The following CSGALNACT1 variants were observed in gnomAD, a reference collection of about 807,000 sequenced individuals.
The protein encoded by CSGALNACT1 is chondroitin sulfate N-acetylgalactosaminyltransferase 1, also known as beta4GalNAcT-1.
A neutral mutation model predicts 51.0 loss-of-function variants in CSGALNACT1; 52 were observed. That is an observed-to-expected ratio of 1.02 (90% CI 0.82 to 1.29). CSGALNACT1 has a LOEUF of 1.29. Ranked by LOEUF, CSGALNACT1 falls within the 50% of genes most tolerant of loss-of-function variation. CSGALNACT1 has a pLI of 0.00. For missense variants in CSGALNACT1, 935 were observed against 679.2 expected, an observed-to-expected ratio of 1.38 and a Z score of -4.19; for synonymous variants, 341 against 254.4, an observed-to-expected ratio of 1.34 and a Z score of -3.24.
At chr8:19,453,772 C>T (rs944993221) in intron 5 of CSGALNACT1, among the ~76,000 whole-genome samples, 2 of 152,040 alleles carry the variant, frequency 1.3e-5, no homozygotes, top group South Asian at 2.1e-4. Flanking sequence ...AGCAGCTGGG[C>T]GTCGTGTCAT....
chr8:19,718,515 G>C (rs1296530588), intron 1 of CSGALNACT1, among the ~76,000 whole-genome samples: 1 of 152,166 alleles, frequency 6.6e-6, no homozygotes, highest in Non-Finnish European at 1.5e-5. Flanking sequence ...AAGTGAATCT[G>C]TGTTTTTAAA....
chr8:19,477,899 C>T (rs370697118), intron 4 of CSGALNACT1, among the ~76,000 whole-genome samples: 20 of 152,202 alleles, frequency 1.3e-4, no homozygotes, highest in African/African-American at 4.3e-4. Flanking sequence ...CTCCCATACA[C>T]GTCCAAACTA....
chr8:19,709,122 G>A (rs993646633), intron 1 of CSGALNACT1, among the ~76,000 whole-genome samples: 1 of 152,174 alleles, frequency 6.6e-6, no homozygotes, highest in African/African-American at 2.4e-5. Flanking sequence ...AACAGGAACA[G>A]GGCTGGATTC....
upstream of CSGALNACT1, among the ~76,000 whole-genome samples, chr8:19,686,362 G>T (rs983385584): frequency 6.6e-6 from 1 of 152,166 alleles, no homozygotes; most frequent in African/African-American, 2.4e-5. Flanking sequence ...ATAGGAGACA[G>T]CATTCAGGGG....
chr8:19,726,174 T>C (rs1015162580), intron 1 of CSGALNACT1, among the ~76,000 whole-genome samples: 1 of 152,194 alleles, frequency 6.6e-6, no homozygotes, highest in Non-Finnish European at 1.5e-5. Flanking sequence ...CTCCATGTAT[T>C]TGGATAAAAA....
exon 4 of CSGALNACT1, chr8:19,505,427 G>C (rs1481309315): frequency 1.2e-6 from 2 of 1,614,190 alleles, no homozygotes. Flanking sequence ...CCAGCTTGAC[G>C]CCAGCATTCA....
intron 1 of CSGALNACT1, among the ~76,000 whole-genome samples, chr8:19,715,575 G>T (rs1010323577): frequency 3.9e-5 from 6 of 152,110 alleles, no homozygotes; most frequent in South Asian, 2.1e-4. Flanking sequence ...TTGTAAATAG[G>T]GCTGTGATGA....
At chr8:19,730,987 C>T (rs1056100456) in intron 1 of CSGALNACT1, among the ~76,000 whole-genome samples, 2 of 152,064 alleles carry the variant, frequency 1.3e-5, no homozygotes, top group East Asian at 1.9e-4. Context: ...CTCCTTGAAG[C>T]GTCAGAGAAT....
At chr8:19,584,994 T>TAGC (rs1438276362) in intron 3 of CSGALNACT1, among the ~76,000 whole-genome samples, 1 of 152,172 alleles carries the variant, frequency 6.6e-6, no homozygotes, top group Non-Finnish European at 1.5e-5. Context: ...TATCACTGTC[T>TAGC]AGCTGTGTAA....
chr8:19,471,638 C>T (rs923707990), intron 4 of CSGALNACT1, among the ~76,000 whole-genome samples: 13 of 152,030 alleles, frequency 8.6e-5, no homozygotes, highest in Admixed American at 3.3e-4. Context: ...TCTCTTCCAC[C>T]GGTAACAGAG....
exon 4 of CSGALNACT1, chr8:19,506,092 C>G: frequency 1.5e-6 from 1 of 651,108 alleles, no homozygotes; most frequent in Non-Finnish European, 2.8e-6. Flanking sequence ...TCATTCCCAT[C>G]ACAGCCTTCC....
intron 1 of CSGALNACT1, among the ~76,000 whole-genome samples, chr8:19,740,310 G>A (rs1214538150): frequency 6.6e-6 from 1 of 152,176 alleles, no homozygotes; most frequent in Non-Finnish European, 1.5e-5. Flanking sequence ...TCACATGACA[G>A]CCTGCCACAC....
chr8:19,423,790 C>T (rs570246580), intron 6 of CSGALNACT1, among the ~76,000 whole-genome samples: 1 of 152,282 alleles, frequency 6.6e-6, no homozygotes, highest in South Asian at 2.1e-4. Context: ...TCTCTTCATG[C>T]AACCTTTCTA....
In CSGALNACT1 at chr8:19,666,760, GAAGAAAGAAAGAAAGAAAGAAAGAAAGA is replaced by G. The variant is rs560533569; in HGVS notation, c.-544+15685_-544+15712del. On this transcript the variant is annotated intron_variant, in intron 1 of 9. Coordinates refer to the CSGALNACT1 transcript ENST00000332246. Reference sequence around the variant, plus strand: ...AGAAACACAAGAAACAAGAAAGAAAGAAGAAAGAAAGAAAGAAAGAAAGAAAGAAAGAAAGAAAGAAAGAAAGAAAGAG... The same window carrying G: ...AGAAACACAAGAAACAAGAAAGAAAGAAGAAAGAAAGAAAGAAAGAAAGAG... Among the ~76,000 whole-genome samples the G allele has an allele frequency of 7.9e-4, 45 of 56,616 alleles. 1 individual carries two copies. The highest frequency in any genetic ancestry group is 1.1e-3 in the Non-Finnish European group (35 of 31,210). 37.1% of individuals were successfully genotyped at this position (56,616 alleles called of 152,430 possible).
At chr8:19,680,921 G>A (rs1348485468) in intron 1 of CSGALNACT1, among the ~76,000 whole-genome samples, 2 of 152,082 alleles carry the variant, frequency 1.3e-5, no homozygotes, top group Non-Finnish European at 2.9e-5. Flanking sequence ...TTCTACATAT[G>A]CCCCATTATC....
At chr8:19,435,238 T>A (rs1340326234) in intron 6 of CSGALNACT1, among the ~76,000 whole-genome samples, 1 of 152,182 alleles carries the variant, frequency 6.6e-6, no homozygotes, top group African/African-American at 2.4e-5. Flanking sequence ...CTCACGCCTG[T>A]AATCCCAGGA....
At chr8:19,655,256 A>T (rs2154186659) in intron 1 of CSGALNACT1, among the ~76,000 whole-genome samples, 1 of 152,288 alleles carries the variant, frequency 6.6e-6, no homozygotes, top group Non-Finnish European at 1.5e-5. Context: ...CAACAAATCC[A>T]AGCCCTTTAT....
In CSGALNACT1 at chr8:19,563,874, C is replaced by T. The variant is rs565817173; in HGVS notation, c.-297+27286G>A. 2.6e-5 allele frequency among the ~76,000 whole-genome samples: 4 copies of T among 152,262 alleles called. No homozygotes were observed. In the East Asian group the frequency reaches 5.8e-4, roughly 22 times the overall value. ...CCTCCCCTTCAGCCCCTCCCCCAGG[C>T]ATGTCCTCCCCAACCCTAGACTCCC... is the stretch of plus-strand genomic sequence containing the variant. On this transcript the variant is annotated intron_variant, in intron 3 of 9. Transcript: ENST00000454498.
At chr8:19,482,173 A>C (rs1156258230) in intron 4 of CSGALNACT1, among the ~76,000 whole-genome samples, 1 of 152,220 alleles carries the variant, frequency 6.6e-6, no homozygotes, top group African/African-American at 2.4e-5. Context: ...CAGCGCTGGG[A>C]AACAGAATGT....
Sources: allele counts gnomAD v4.1 joint callset (sites outside exome capture counted in the v4.1 genomes callset), GRCh38; gene constraint gnomAD v4.1.1; transcripts MANE v1.5; gene names NCBI Gene and HGNC (gene_info 2026-07-23, HGNC 2026-07-21).